Variants in LARP1 observed in about 807,000 individuals in gnomAD.
The protein encoded by LARP1 is La ribonucleoprotein 1, translational regulator, also known as la-related protein 1.
In LARP1, 36 loss-of-function variants were observed where a neutral mutation model predicts 122.7. That is an observed-to-expected ratio of 0.29 (90% CI 0.22 to 0.39). The LOEUF is 0.39. Ranked by LOEUF, LARP1 falls within the 10% of genes least tolerant of loss-of-function variation. The pLI, the probability that LARP1 is intolerant of heterozygous loss-of-function variation, is 1.00. For synonymous variants in LARP1, 539 were observed against 528.7 expected (o/e 1.02, Z -0.27); for missense variants, 1,040 against 1,403.6 (o/e 0.74, Z 4.14).
intron 1 of LARP1, among the ~76,000 whole-genome samples, chr5:154,772,593 G>A (rs957623320): frequency 7.2e-5 from 11 of 152,122 alleles, no homozygotes; most frequent in Non-Finnish European, 1.0e-4. Flanking sequence ...TAAATTAGGC[G>A]CAGTAAGAGA....
intron 1 of LARP1, among the ~76,000 whole-genome samples, chr5:154,728,190 G>T (rs1019957004): frequency 6.6e-6 from 1 of 152,176 alleles, no homozygotes; most frequent in African/African-American, 2.4e-5. Context: ...CCACTCTGTA[G>T]ATTTAGCCCC....
chr5:154,769,714 A>G (rs1003514118), intron 1 of LARP1, among the ~76,000 whole-genome samples: 2 of 152,252 alleles, frequency 1.3e-5, no homozygotes, highest in African/African-American at 2.4e-5. Context: ...TTGGATGTCA[A>G]TCTCTAAGGC....
intron 16 of LARP1, among the ~76,000 whole-genome samples, chr5:154,808,832 C>T (rs958204275): frequency 1.3e-5 from 2 of 152,192 alleles, no homozygotes; most frequent in Non-Finnish European, 2.9e-5. Context: ...CCCCACCCAT[C>T]TGGTGTCTTT....
intron 1 of LARP1, among the ~76,000 whole-genome samples, chr5:154,768,857 A>G (rs1387743434): frequency 6.6e-6 from 1 of 152,124 alleles, no homozygotes; most frequent in African/African-American, 2.4e-5. Context: ...CTGTGATTAC[A>G]GGCATGAACC....
At chr5:154,780,184 G>A (rs1035279024) in intron 1 of LARP1, among the ~76,000 whole-genome samples, 20 of 152,208 alleles carry the variant, frequency 1.3e-4, no homozygotes, top group Admixed American at 3.3e-4. Context: ...TGCCCAGCCT[G>A]CCTCTCAGGA....
In LARP1 at chr5:154,744,616, A is replaced by ATTTTTTTTT. The variant is rs748853573; in HGVS notation, c.205+31517_205+31525dup. Among the ~76,000 whole-genome samples, 24 of 71,998 alleles carry ATTTTTTTTT rather than the reference A, an allele frequency of 3.3e-4. 6 individuals carry two copies. The highest frequency in any genetic ancestry group is 4.9e-4 in the Non-Finnish European group (17 of 35,050). 47.2% of individuals were successfully genotyped at this position (71,998 alleles called of 152,430 possible). A position where few individuals can be genotyped will look rare whatever the true frequency, so the allele number is the denominator to read the frequency against. ...CAGGGGAAAGGGCATTGGATATGCA[A>ATTTTTTTTT]TTTTTTTTTTTTTTTTTTTTTTTTT... On this transcript the variant is annotated intron_variant, in intron 1 of 18. Transcript: ENST00000336314.
intron 1 of LARP1, among the ~76,000 whole-genome samples, chr5:154,771,877 C>T (rs1017637380): frequency 2.0e-5 from 3 of 152,200 alleles, no homozygotes; most frequent in Non-Finnish European, 4.4e-5. Flanking sequence ...GGGTTCTCTA[C>T]AGGCTTTGGA....
chr5:154,811,825 A>G (rs1021889093), intron 18 of LARP1, among the ~76,000 whole-genome samples, 185 bp downstream of exon 18: 1 of 152,024 alleles, frequency 6.6e-6, no homozygotes, highest in African/African-American at 2.4e-5. Context: ...GGCTAGTTGG[A>G]GATAGTTGTA....
rs780832689 is a variant in LARP1, at chr5:154,813,964, G to T, written c.3159G>T (p.Arg1053=). 2.5e-6 allele frequency: 4 copies of T among 1,614,016 alleles called. No individual in the cohort carries two copies. Among genetic ancestry groups the T allele is most frequent in the Admixed American group, 1.7e-5 (1 of 60,012 alleles). ...GTGGCGGCGGTGAGGGCAGGAAGCG[G>T]TGCCCCTCCCAGTCTTCCAGCAGGC... ...AGGGGGEGRK[R]CPSQSSSRPA... Residue 1053 remains arginine (R), a synonymous_variant, in exon 19 of 19, where the codon CGG becomes CGT. Transcript: ENST00000518297.
intron 1 of LARP1, among the ~76,000 whole-genome samples, chr5:154,696,877 G>A (rs1278988343): frequency 6.6e-6 from 1 of 152,216 alleles, no homozygotes; most frequent in Non-Finnish European, 1.5e-5. Context: ...AAAAGAGAAA[G>A]TGTGGATATT....
intron 1 of LARP1, chr5:154,729,488 C>A (rs1196164958): frequency 5.1e-6 from 2 of 389,158 alleles, no homozygotes; most frequent in Non-Finnish European, 4.9e-6. Flanking sequence ...GAGAATTAAT[C>A]TGCCTATTGA....
chr5:154,739,079 A>C (rs897415064), intron 1 of LARP1, among the ~76,000 whole-genome samples: 1 of 152,104 alleles, frequency 6.6e-6, no homozygotes, highest in African/African-American at 2.4e-5. Flanking sequence ...GCAGTGGTGC[A>C]ATCTGTGTTC....
At chr5:154,729,968 AG>A (rs1756456911) in intron 1 of LARP1, among the ~76,000 whole-genome samples, 1 of 152,208 alleles carries the variant, frequency 6.6e-6, no homozygotes, top group African/African-American at 2.4e-5. Context: ...GACTTTAGTA[AG>A]ATACTGGCAG....
intron 13 of LARP1, 128 bp from the exon 14 acceptor site, chr5:154,804,073 C>T (rs899819755): frequency 1.2e-5 from 9 of 740,006 alleles, no homozygotes; most frequent in Middle Eastern, 2.4e-4. Context: ...GAACTTTATA[C>T]GAGAATGAAT....
rs1754337970 is a variant in LARP1 at position 154,693,787 on chromosome 5, C to A, written c.-180+10750C>A. The stretch of plus-strand genomic sequence containing the variant: ...AGGAGAACGGCGTGAACTGGAGAGG[C>A]GGAGCTTGCAGTGAGCCGAGATCGC... On this transcript the variant is annotated intron_variant, in intron 1 of 18. Transcript: ENST00000687700. 1.3e-5 allele frequency among the ~76,000 whole-genome samples: 2 copies of A among 149,816 alleles called. 1 individual carries two copies. Among genetic ancestry groups the A allele is most frequent in the South Asian group, 4.2e-4 (2 of 4,766 alleles).
upstream of LARP1, chr5:154,712,801 G>A (rs1021327838): frequency 3.6e-4 from 284 of 791,442 alleles, 2 homozygotes; most frequent in Admixed American, 6.5e-3. Context: ...GGCACCCAGC[G>A]TCTGGAAGGA....
chr5:154,811,677 G>A (rs1420761507), intron 18 of LARP1, 37 bp downstream of exon 18: 2 of 1,612,248 alleles, frequency 1.2e-6, no homozygotes, highest in Non-Finnish European at 1.7e-6. Context: ...GCTTGTCCTG[G>A]AAAGAAAACT....
At chr5:154,729,919 C>G (rs750727782) in intron 1 of LARP1, among the ~76,000 whole-genome samples, 1 of 152,172 alleles carries the variant, frequency 6.6e-6, no homozygotes, top group African/African-American at 2.4e-5. Flanking sequence ...TCTTGGACCT[C>G]TAGTCCAAGT....
intron 16 of LARP1, among the ~76,000 whole-genome samples, chr5:154,810,849 G>A (rs1434983130): frequency 6.6e-6 from 1 of 152,184 alleles, no homozygotes; most frequent in African/African-American, 2.4e-5. Flanking sequence ...TAATTGGCAT[G>A]GTCAAATGGC....
Sources: gnomAD v4.1 joint callset for allele counts (sites outside exome capture counted in the v4.1 genomes callset) on GRCh38, gnomAD v4.1.1 for gene constraint, MANE v1.5 for transcripts, NCBI Gene and HGNC (gene_info 2026-07-23, HGNC 2026-07-21) for gene names.